Variants in FBXW2 observed in about 807,000 individuals in gnomAD.
The protein encoded by FBXW2 is F-box and WD repeat domain containing 2, also known as F-box/WD repeat-containing protein 2.
In FBXW2, 12 loss-of-function variants were observed where a neutral mutation model predicts 46.0. The observed-to-expected ratio is 0.26, with a 90% CI of 0.17 to 0.42. FBXW2 has a LOEUF of 0.42. Among genes scored for constraint, FBXW2 ranks in the 10% least tolerant of loss-of-function variants. The pLI is 1.00. For missense variants in FBXW2, 360 were observed against 537.0 expected, an observed-to-expected ratio of 0.67 and a Z score of 3.26; for synonymous variants, 203 against 209.6, an observed-to-expected ratio of 0.97 and a Z score of 0.27.
rs2044235449 is a variant in FBXW2, at chr9:120,764,244, ACTTT to A, written c.*311_*314del. On this transcript the variant is annotated 3_prime_UTR_variant, in exon 8 of 8. Transcript: ENST00000608872. ...AATTAGCAGATTAATGGATCATTTAACTTTCTTTACTTAAAACCAATACTCCACT... is the reference window on the plus strand; with the variant it reads ...AATTAGCAGATTAATGGATCATTTAACTTTACTTAAAACCAATACTCCACT... The A allele has an allele frequency of 9.8e-6, 4 of 407,186 alleles. No individual in the cohort carries two copies. Among genetic ancestry groups the A allele is most frequent in the East Asian group, 6.9e-5 (2 of 28,830 alleles). The allele number at this position is 407,186 out of a possible 1,614,324, so 25.2% of individuals were successfully genotyped here.
chr9:120,768,921 C>T (rs1037266864), intron 7 of FBXW2, among the ~76,000 whole-genome samples: 1 of 152,190 alleles, frequency 6.6e-6, no homozygotes, highest in Non-Finnish European at 1.5e-5. Flanking sequence ...AAATAGGTGG[C>T]TACCGGGTTA....
rs201921373 is a variant in FBXW2 at position 120,776,175 on chromosome 9, G to C, written c.737C>G (p.Ala246Gly). Residue 246 changes from alanine (A) to glycine (G), a missense_variant, in exon 5 of 8, where the codon GCA becomes GGA. Physicochemically the swap from Ala to Gly is moderately conservative, Grantham distance 60 (BLOSUM62 0). Coordinates refer to ENST00000608872, the MANE Select transcript of FBXW2 (RefSeq NM_012164.4). ...DELDILVSGSADFTVKVWALS... is the reference protein window; with the variant it reads ...DELDILVSGSGDFTVKVWALS... The stretch of plus-strand genomic sequence containing the variant: ...AGCCCATACTTTCACAGTGAAGTCT[G>C]CAGAGCCGCTCACCAAGATATCCAG... 76 of 1,613,982 alleles carry C rather than the reference G, an allele frequency of 4.7e-5. No homozygotes were observed. Among genetic ancestry groups the C allele is most frequent in the Non-Finnish European group, 3.4e-6 (4 of 1,180,014 alleles).
rs989211057 is a variant in FBXW2, at chr9:120,772,082, A to G, written c.907-565T>C. Among the ~76,000 whole-genome samples the G allele has an allele frequency of 1.2e-3, 189 of 151,384 alleles. 1 individual carries two copies. The highest frequency in any genetic ancestry group is 2.7e-3 in the South Asian group (13 of 4,772). On this transcript the variant is annotated intron_variant, in intron 6 of 7. Transcript: ENST00000608872. ...TCAGAAAAAAAAAAAAAAAAAAAAA[A>G]AGAGATGCAGTAAGAATGTGAGAGT...
chr9:120,782,865 C>G (rs1489082235), intron 3 of FBXW2, among the ~76,000 whole-genome samples: 1 of 151,872 alleles, frequency 6.6e-6, no homozygotes, highest in East Asian at 1.9e-4. Flanking sequence ...GAAAACCCCC[C>G]CAAAAACAAA....
chr9:120,768,708 G>A (rs1448352995), intron 7 of FBXW2, among the ~76,000 whole-genome samples: 1 of 152,050 alleles, frequency 6.6e-6, no homozygotes. Flanking sequence ...TTTAATTCCA[G>A]CTACTCGGGA....
intron 2 of FBXW2, 159 bp downstream of exon 2, chr9:120,792,990 G>C (rs1395175460): frequency 1.3e-6 from 2 of 1,529,886 alleles, no homozygotes; most frequent in Non-Finnish European, 1.8e-6. Flanking sequence ...GTAGCCCTGG[G>C]ACATCACTGT....
At chr9:120,789,170 T>C (rs868830616) in intron 2 of FBXW2, among the ~76,000 whole-genome samples, 1 of 152,202 alleles carries the variant, frequency 6.6e-6, no homozygotes. Flanking sequence ...TTTGCCTATA[T>C]TCACAGGGCT....
chr9:120,768,621 G>C (rs529337760), intron 7 of FBXW2, among the ~76,000 whole-genome samples: 2 of 152,264 alleles, frequency 1.3e-5, no homozygotes, highest in South Asian at 2.1e-4. Flanking sequence ...AGGAGTTTGA[G>C]ACCAGCCTGG....
chr9:120,780,551 G>A (rs1345397734), intron 3 of FBXW2, among the ~76,000 whole-genome samples: 2 of 152,114 alleles, frequency 1.3e-5, no homozygotes, highest in East Asian at 1.9e-4. Flanking sequence ...ACCACATGGC[G>A]CTAGTGGCTA....
At chr9:120,792,770 A>T (rs974129156) in intron 2 of FBXW2, 1 of 778,414 alleles carries the variant, frequency 1.3e-6, no homozygotes, top group South Asian at 1.6e-5. Context: ...GTGCAAGTAA[A>T]GCGTTTAGCA....
chr9:120,782,887 G>A (rs1319149663), intron 3 of FBXW2, among the ~76,000 whole-genome samples: 4 of 151,940 alleles, frequency 2.6e-5, no homozygotes, highest in Non-Finnish European at 4.4e-5. Flanking sequence ...AAAAAAATTG[G>A]ATACAGTTTA....
chr9:120,781,954 C>A (rs535978181), intron 3 of FBXW2, among the ~76,000 whole-genome samples: 1 of 146,426 alleles, frequency 6.8e-6, no homozygotes, highest in Admixed American at 6.9e-5. Flanking sequence ...ACCCGGGAGG[C>A]GGAGGTTGCG....
chr9:120,781,825 C>T (rs966944762), intron 3 of FBXW2, among the ~76,000 whole-genome samples: 3 of 151,780 alleles, frequency 2.0e-5, no homozygotes, highest in South Asian at 2.1e-4. Context: ...GAGTTTGAGA[C>T]CTGCCTTACC....
chr9:120,787,742 C>T, intron 3 of FBXW2, 27 bp downstream of exon 3: 2 of 1,579,642 alleles, frequency 1.3e-6, no homozygotes, highest in South Asian at 1.2e-5. Context: ...AAAACAAAAC[C>T]CAAAAAGCAG....
At chr9:120,772,012 T>G (rs2044385579) in intron 6 of FBXW2, among the ~76,000 whole-genome samples, 1 of 144,734 alleles carries the variant, frequency 6.9e-6, no homozygotes, top group African/African-American at 2.6e-5. Flanking sequence ...TAAGCAAAGA[T>G]TCTACCACTG....
chr9:120,780,210 T>G (rs1484809994), intron 3 of FBXW2, among the ~76,000 whole-genome samples: 1 of 148,688 alleles, frequency 6.7e-6, no homozygotes, highest in Non-Finnish European at 1.5e-5. Context: ...ATACAAAAAT[T>G]AGCCAGGCAT....
rs1245323359 is a variant in FBXW2 at position 120,758,484 on chromosome 9, T to A, written c.*6075A>T. 2.0e-5 allele frequency: 3 copies of A among 152,232 alleles called. No individual in the cohort carries two copies. The highest frequency in any genetic ancestry group is 4.4e-5 in the Non-Finnish European group (3 of 68,036). 9.4% of individuals were successfully genotyped at this position (152,232 alleles called of 1,614,324 possible). On this transcript the variant is annotated 3_prime_UTR_variant, in exon 8 of 8. Transcript: ENST00000608872. Reference sequence around the variant, plus strand: ...TGCTCAAAGAAGTGGTTGGGGAGACTCCCTGGAAGCAAAGCATAAGACAGG... The same window carrying A: ...TGCTCAAAGAAGTGGTTGGGGAGACACCCTGGAAGCAAAGCATAAGACAGG...
At chr9:120,773,601 G>C (rs1184830664) in intron 5 of FBXW2, among the ~76,000 whole-genome samples, 2 of 152,170 alleles carry the variant, frequency 1.3e-5, no homozygotes, top group African/African-American at 2.4e-5. Flanking sequence ...ATAAACATCA[G>C]GTTCTAGCTA....
chr9:120,762,717 C>T lies in FBXW2; in HGVS notation c.*1842G>A, dbSNP rs1019979616. 6.6e-6 allele frequency: 1 copy of T among 152,252 alleles called. No individual in the cohort carries two copies. Among genetic ancestry groups the T allele is most frequent in the East Asian group, 1.9e-4 (1 of 5,194 alleles). The allele number at this position is 152,252 out of a possible 1,614,324, so 9.4% of individuals were successfully genotyped here. On this transcript the variant is annotated 3_prime_UTR_variant, in exon 8 of 8. Coordinates refer to ENST00000608872, the MANE Select transcript of FBXW2 (RefSeq NM_012164.4). ...ACATCATTCTCAGCTCTGCCAGCAA[C>T]CCTTTTTCTCACCTGTAAAATGGAT...
Sources: allele counts gnomAD v4.1 joint callset (sites outside exome capture counted in the v4.1 genomes callset), GRCh38; gene constraint gnomAD v4.1.1; transcripts MANE v1.5; gene names NCBI Gene and HGNC (gene_info 2026-07-23, HGNC 2026-07-21).